Variants in MARCHF4 observed in about 807,000 individuals in gnomAD.
The protein encoded by MARCHF4 is membrane associated ring-CH-type finger 4.
In MARCHF4, 14 loss-of-function variants were observed where a neutral mutation model predicts 43.9. The observed-to-expected ratio is 0.32, with a 90% CI of 0.21 to 0.50. The LOEUF is 0.50. Among genes scored for constraint, MARCHF4 ranks in the 20% least tolerant of loss-of-function variants. MARCHF4 has a pLI of 0.98. For synonymous variants in MARCHF4, 226 were observed against 213.3 expected (o/e 1.06, Z -0.52); for missense variants, 468 against 536.7 (o/e 0.87, Z 1.27).
chr2:216,355,228 T>G (rs540750028), intron 1 of MARCHF4, among the ~76,000 whole-genome samples: 1 of 152,200 alleles, frequency 6.6e-6, no homozygotes, highest in South Asian at 2.1e-4. Flanking sequence ...TGCCTTGGCC[T>G]CCCAAAGCGC....
intron 1 of MARCHF4, among the ~76,000 whole-genome samples, chr2:216,318,317 G>A (rs1165707653): frequency 6.6e-6 from 1 of 152,192 alleles, no homozygotes; most frequent in Non-Finnish European, 1.5e-5. Context: ...CCCCTCCCAG[G>A]CCAGCCAACT....
chr2:216,306,537 T>A (rs1691589319), intron 1 of MARCHF4, among the ~76,000 whole-genome samples: 1 of 152,198 alleles, frequency 6.6e-6, no homozygotes, highest in Non-Finnish European at 1.5e-5. Flanking sequence ...AACCATACAT[T>A]TAACTGAGGG....
At chr2:216,343,478 C>T (rs75735779) in intron 1 of MARCHF4, among the ~76,000 whole-genome samples, 16,831 of 152,176 alleles carry the variant, frequency 0.11, 1,135 homozygotes, top group South Asian at 0.34. Context: ...AGTCCCCACC[C>T]TTCCTAATAC....
chr2:216,330,278 T>G (rs1692066237), intron 1 of MARCHF4, among the ~76,000 whole-genome samples: 1 of 152,220 alleles, frequency 6.6e-6, no homozygotes, highest in Non-Finnish European at 1.5e-5. Flanking sequence ...TTGATAATGA[T>G]TTTATAATGA....
chr2:216,301,144 T>C (rs1440845985), intron 1 of MARCHF4, among the ~76,000 whole-genome samples: 1 of 152,120 alleles, frequency 6.6e-6, no homozygotes, highest in East Asian at 1.9e-4. Flanking sequence ...TGTGAAAGCA[T>C]CATGGTAGGA....
chr2:216,348,029 A>G (rs571789968), intron 1 of MARCHF4, among the ~76,000 whole-genome samples: 2 of 135,284 alleles, frequency 1.5e-5, no homozygotes, highest in East Asian at 4.6e-4. Context: ...AGGTTAAGGC[A>G]TTCTTTTTTT....
At chr2:216,357,468 G>A (rs1046253217) in intron 1 of MARCHF4, among the ~76,000 whole-genome samples, 1 of 152,158 alleles carries the variant, frequency 6.6e-6, no homozygotes. Context: ...CCACAGGCTT[G>A]TACCACCATG....
chr2:216,290,779 A>G (rs1691294742), intron 1 of MARCHF4, among the ~76,000 whole-genome samples: 1 of 152,180 alleles, frequency 6.6e-6, no homozygotes, highest in Non-Finnish European at 1.5e-5. Flanking sequence ...TAAGGAGAGA[A>G]GTAGAAAAGT....
chr2:216,311,449 G>A (rs1333761450), intron 1 of MARCHF4, among the ~76,000 whole-genome samples: 9 of 152,052 alleles, frequency 5.9e-5, no homozygotes, highest in Admixed American at 5.9e-4. Context: ...GTAGAGATGG[G>A]GTTTCACCAT....
At chr2:216,355,123 C>T (rs1448192217) in intron 1 of MARCHF4, among the ~76,000 whole-genome samples, 1 of 151,956 alleles carries the variant, frequency 6.6e-6, no homozygotes, top group Non-Finnish European at 1.5e-5. Flanking sequence ...AGGCATGTGC[C>T]ACCACACCTG....
chr2:216,299,930 G>A (rs981983549), intron 1 of MARCHF4, among the ~76,000 whole-genome samples: 1 of 152,198 alleles, frequency 6.6e-6, no homozygotes, highest in Non-Finnish European at 1.5e-5. Context: ...TAGCAGGAGA[G>A]GGCAAGCACT....
At chr2:216,364,992 A>G (rs1574489253) in intron 1 of MARCHF4, among the ~76,000 whole-genome samples, 1 of 152,116 alleles carries the variant, frequency 6.6e-6, no homozygotes, top group African/African-American at 2.4e-5. Flanking sequence ...TTCCATTTAT[A>G]CTCCTGCCAT....
Position 216,371,882 on chromosome 2 carries a change from C to A in MARCHF4, c.-1622G>T, listed in dbSNP as rs1457598075. Reference sequence around the variant, plus strand: ...GGCCTCGGCCCGCTCTCTGCCCCCCCACCCCGCCCCTTCCTCCTCTCCACC... The same window carrying A: ...GGCCTCGGCCCGCTCTCTGCCCCCCAACCCCGCCCCTTCCTCCTCTCCACC... On this transcript the variant is annotated 5_prime_UTR_variant, in exon 1 of 4. Coordinates refer to ENST00000273067, the MANE Select transcript of MARCHF4 (RefSeq NM_020814.3). 2 of 152,180 alleles carry A rather than the reference C, an allele frequency of 1.3e-5. No individual in the cohort carries two copies. Among genetic ancestry groups the A allele is most frequent in the Non-Finnish European group, 2.9e-5 (2 of 68,046 alleles). The allele number at this position is 152,180 out of a possible 1,614,324, so 9.4% of individuals were successfully genotyped here. A position where few individuals can be genotyped will look rare whatever the true frequency, so the allele number is the denominator to read the frequency against.
intron 1 of MARCHF4, among the ~76,000 whole-genome samples, chr2:216,313,521 C>T (rs1438659765): frequency 6.6e-6 from 1 of 152,154 alleles, no homozygotes; most frequent in Non-Finnish European, 1.5e-5. Flanking sequence ...GTAAAGCTCC[C>T]GTACCTACTT....
At chr2:216,273,935 T>TC (rs1690980631) in intron 3 of MARCHF4, among the ~76,000 whole-genome samples, 1 of 152,200 alleles carries the variant, frequency 6.6e-6, no homozygotes, top group Non-Finnish European at 1.5e-5. Context: ...GGACATTTTC[T>TC]CCTTCTCTCA....
chr2:216,281,485 C>T (rs750256022), intron 2 of MARCHF4, among the ~76,000 whole-genome samples: 8 of 152,236 alleles, frequency 5.3e-5, no homozygotes, highest in African/African-American at 9.6e-5. Flanking sequence ...GCTCCGCCCA[C>T]TTGTGGTGGG....
intron 1 of MARCHF4, among the ~76,000 whole-genome samples, chr2:216,295,481 A>T (rs1056159176): frequency 6.6e-6 from 1 of 152,204 alleles, no homozygotes; most frequent in Non-Finnish European, 1.5e-5. Flanking sequence ...TTGGGATTAC[A>T]GGCGTGAGCC....
chr2:216,325,795 A>G (rs1204291506), intron 1 of MARCHF4, among the ~76,000 whole-genome samples: 3 of 149,456 alleles, frequency 2.0e-5, no homozygotes, highest in African/African-American at 7.3e-5. Flanking sequence ...CTTACACCTT[A>G]TACAAAAATC....
chr2:216,370,081 C>T lies in MARCHF4; in HGVS notation c.180G>A (p.Ala60=), dbSNP rs1367949253. The change falls in exon 1 of 4, where the codon GCG becomes GCA. Residue 60 remains alanine (A), a synonymous_variant. Coordinates refer to ENST00000273067, the MANE Select transcript of MARCHF4 (RefSeq NM_020814.3). ...KVFLLRRPPQ[A]PLPMHGDPQP... is the part of the protein sequence containing the mutation. The stretch of plus-strand genomic sequence containing the variant: ...GGGGGTCGCCGTGCATGGGCAGGGG[C>T]GCTTGAGGAGGGCGCCGCAGTAAGA... 2.5e-6 allele frequency: 4 copies of T among 1,577,906 alleles called. No individual in the cohort carries two copies. Among genetic ancestry groups the T allele is most frequent in the Non-Finnish European group, 3.4e-6 (4 of 1,162,050 alleles).
Sources: gnomAD v4.1 joint callset for allele counts (sites outside exome capture counted in the v4.1 genomes callset) on GRCh38, gnomAD v4.1.1 for gene constraint, MANE v1.5 for transcripts, NCBI Gene and HGNC (gene_info 2026-07-23, HGNC 2026-07-21) for gene names.